Variants in CHCHD6 observed in about 807,000 individuals in gnomAD.
The protein encoded by CHCHD6 is MICOS complex subunit MIC25.
In CHCHD6, 28 loss-of-function variants were observed where a neutral mutation model predicts 32.3. That is an observed-to-expected ratio of 0.87 (90% CI 0.64 to 1.19). CHCHD6 has a LOEUF of 1.19. Among genes scored for constraint, CHCHD6 ranks in the 50% most tolerant of loss-of-function variants. The pLI, the probability that CHCHD6 is intolerant of heterozygous loss-of-function variation, is 0.00. For missense variants in CHCHD6, 333 were observed against 307.0 expected (o/e 1.08, Z -0.63); for synonymous variants, 122 against 117.5 (o/e 1.04, Z -0.25).
At chr3:126,841,971 A>G (rs1462063940) in intron 4 of CHCHD6, among the ~76,000 whole-genome samples, 1 of 149,978 alleles carries the variant, frequency 6.7e-6, no homozygotes, top group East Asian at 2.0e-4. Flanking sequence ...AATCTAGTCC[A>G]GGCGTAATGG....
chr3:126,779,309 C>CA (rs1937805323), intron 4 of CHCHD6, among the ~76,000 whole-genome samples: 1 of 151,998 alleles, frequency 6.6e-6, no homozygotes, highest in Non-Finnish European at 1.5e-5. Flanking sequence ...AACACCAAGG[C>CA]AGGTGGATCA....
At chr3:126,752,373 T>G (rs553585778) in intron 4 of CHCHD6, among the ~76,000 whole-genome samples, 16 of 152,246 alleles carry the variant, frequency 1.1e-4, no homozygotes, top group Non-Finnish European at 1.6e-4. Flanking sequence ...TGGGATCCGG[T>G]CTCTTCCTGT....
At chr3:126,770,991 A>T (rs1184696320) in intron 4 of CHCHD6, among the ~76,000 whole-genome samples, 2 of 152,024 alleles carry the variant, frequency 1.3e-5, no homozygotes, top group African/African-American at 4.8e-5. Flanking sequence ...TTTTATTGCT[A>T]ATTCAATTCT....
At chr3:126,907,105 G>A (rs530472328) in intron 5 of CHCHD6, among the ~76,000 whole-genome samples, 5 of 152,212 alleles carry the variant, frequency 3.3e-5, no homozygotes, top group African/African-American at 4.8e-5. Context: ...AACAGGTAAA[G>A]GCTGAGATAG....
At chr3:126,873,637 A>G (rs959378080) in intron 5 of CHCHD6, among the ~76,000 whole-genome samples, 2 of 152,218 alleles carry the variant, frequency 1.3e-5, no homozygotes, top group African/African-American at 2.4e-5. Flanking sequence ...TGGCCTCTGC[A>G]GCACCTGCTA....
intron 2 of CHCHD6, 58 bp downstream of exon 2, chr3:126,727,244 T>G: frequency 7.8e-7 from 1 of 1,287,148 alleles, no homozygotes; most frequent in Non-Finnish European, 1.1e-6. Context: ...GAGTGATGGG[T>G]GCTCACCCGA....
chr3:126,733,032 C>A, intron 3 of CHCHD6, 46 bp from the exon 4 acceptor site: 2 of 1,604,738 alleles, frequency 1.2e-6, no homozygotes. Flanking sequence ...ATGGGCTGCC[C>A]GTCATGCCAT....
intron 5 of CHCHD6, among the ~76,000 whole-genome samples, chr3:126,863,363 C>A (rs1217419408): frequency 8.2e-6 from 1 of 122,694 alleles, no homozygotes; most frequent in Non-Finnish European, 1.7e-5. Context: ...TCTACCATCA[C>A]CACCTCCTCC....
At chr3:126,722,324 T>TA (rs963950428) in intron 1 of CHCHD6, among the ~76,000 whole-genome samples, 95 of 152,044 alleles carry the variant, frequency 6.2e-4, no homozygotes, top group African/African-American at 2.0e-3. Flanking sequence ...CCTGGCTAAT[T>TA]AAAAAAAAAT....
chr3:126,921,416 G>A (rs958354882), intron 6 of CHCHD6, among the ~76,000 whole-genome samples: 1 of 150,404 alleles, frequency 6.6e-6, no homozygotes, highest in Non-Finnish European at 1.5e-5. Context: ...CAGCACAGAA[G>A]GCAGAATTGT....
chr3:126,803,750 C>T (rs527567739), intron 4 of CHCHD6, among the ~76,000 whole-genome samples: 19 of 152,292 alleles, frequency 1.2e-4, no homozygotes, highest in East Asian at 3.9e-4. Flanking sequence ...CCCAGATCAA[C>T]GGAATATACA....
At chr3:126,926,886 C>A (rs1458224089) in intron 6 of CHCHD6, among the ~76,000 whole-genome samples, 19 of 152,178 alleles carry the variant, frequency 1.2e-4, no homozygotes, top group Admixed American at 1.2e-3. Context: ...CACAGATATT[C>A]CACTCCCACG....
At chr3:126,919,621 A>ATTTT (rs35228420) in intron 6 of CHCHD6, among the ~76,000 whole-genome samples, 15 of 127,192 alleles carry the variant, frequency 1.2e-4, no homozygotes, top group East Asian at 1.1e-3. Flanking sequence ...GCTGGCCTTC[A>ATTTT]TTTTTTTTTT....
chr3:126,848,982 G>A (rs1396119532), intron 4 of CHCHD6, among the ~76,000 whole-genome samples: 1 of 152,188 alleles, frequency 6.6e-6, no homozygotes, highest in African/African-American at 2.4e-5. Flanking sequence ...GCAGGACGAG[G>A]TCTGATTTTG....
chr3:126,736,611 G>A (rs1394567958), intron 4 of CHCHD6, among the ~76,000 whole-genome samples: 1 of 152,186 alleles, frequency 6.6e-6, no homozygotes, highest in African/African-American at 2.4e-5. Context: ...TAATGACAAG[G>A]AAAGGTAATA....
At chr3:126,736,107 A>G (rs1193960176) in intron 4 of CHCHD6, among the ~76,000 whole-genome samples, 2 of 152,192 alleles carry the variant, frequency 1.3e-5, no homozygotes, top group East Asian at 3.8e-4. Context: ...CTTTTAGTGG[A>G]GGTAAAACTG....
intron 2 of CHCHD6, among the ~76,000 whole-genome samples, chr3:126,729,377 AGGGAGCG>A (rs1935678435): frequency 6.6e-6 from 1 of 152,202 alleles, no homozygotes; most frequent in Non-Finnish European, 1.5e-5. Context: ...GTGCACTCCA[AGGGAGCG>A]GGGAGCGGGC....
chr3:126,771,516 G>C (rs755258296), intron 4 of CHCHD6, among the ~76,000 whole-genome samples: 1 of 151,998 alleles, frequency 6.6e-6, no homozygotes, highest in Non-Finnish European at 1.5e-5. Context: ...GCCCCCTAAA[G>C]GGGGGTTCTC....
intron 5 of CHCHD6, among the ~76,000 whole-genome samples, chr3:126,888,480 A>C (rs1419509618): frequency 6.6e-6 from 1 of 152,148 alleles, no homozygotes; most frequent in African/African-American, 2.4e-5. Flanking sequence ...ACAGCCACCA[A>C]GCCACTCACT....
Sources: allele counts gnomAD v4.1 joint callset (sites outside exome capture counted in the v4.1 genomes callset), GRCh38; gene constraint gnomAD v4.1.1; transcripts MANE v1.5; gene names NCBI Gene and HGNC (gene_info 2026-07-23, HGNC 2026-07-21).